The following KCND2 variants were observed in gnomAD, a reference collection of about 807,000 sequenced individuals.
KCND2 encodes the protein potassium voltage-gated channel subfamily D member 2.
In KCND2, 16 loss-of-function variants were observed where a neutral mutation model predicts 54.4. The observed-to-expected ratio is 0.29, with a 90% CI of 0.20 to 0.45. The LOEUF is 0.45. KCND2 is among the 20% of genes least tolerant of loss of function. KCND2 has a pLI of 1.00. For missense variants in KCND2, 486 were observed against 824.2 expected (o/e 0.59, Z 5.02); for synonymous variants, 317 against 310.7 (o/e 1.02, Z -0.21).
chr7:120,738,241 C>T (rs1006958313), intron 2 of KCND2, among the ~76,000 whole-genome samples: 5 of 151,924 alleles, frequency 3.3e-5, no homozygotes, highest in South Asian at 4.1e-4. Flanking sequence ...GTGAGGAACC[C>T]GGGAGCAAAG....
intron 1 of KCND2, among the ~76,000 whole-genome samples, chr7:120,315,764 CAGTGTGTGTG>C (rs1243616756): frequency 9.7e-6 from 1 of 103,582 alleles, no homozygotes; most frequent in African/African-American, 3.9e-5. Flanking sequence ...TTTCCATAAG[CAGTGTGTGTG>C]TGTGTGTGTG....
intron 1 of KCND2, among the ~76,000 whole-genome samples, chr7:120,532,841 C>G (rs190433572): frequency 6.6e-6 from 1 of 151,908 alleles, no homozygotes; most frequent in East Asian, 1.9e-4. Flanking sequence ...GAGGCAAATG[C>G]TCACAGGGAA....
At chr7:120,372,642 G>A (rs935303777) in intron 1 of KCND2, among the ~76,000 whole-genome samples, 15 of 151,842 alleles carry the variant, frequency 9.9e-5, no homozygotes, top group African/African-American at 3.6e-4. Flanking sequence ...TTAAATTGTA[G>A]GCCCTTTATG....
chr7:120,282,017 A>G (rs1799271398), intron 1 of KCND2, among the ~76,000 whole-genome samples: 1 of 152,138 alleles, frequency 6.6e-6, no homozygotes, highest in African/African-American at 2.4e-5. Flanking sequence ...TACTCTGCAA[A>G]GGCTAGAATT....
chr7:120,510,028 G>A (rs1318206960), intron 1 of KCND2, among the ~76,000 whole-genome samples: 1 of 151,984 alleles, frequency 6.6e-6, no homozygotes, highest in Non-Finnish European at 1.5e-5. Flanking sequence ...GTCATTTCTT[G>A]TGCTTCAGTA....
At chr7:120,566,214 G>C (rs1345402533) in intron 1 of KCND2, among the ~76,000 whole-genome samples, 2 of 152,206 alleles carry the variant, frequency 1.3e-5, no homozygotes, top group Non-Finnish European at 2.9e-5. Context: ...ATAGGGAAAT[G>C]ATTAATAGGG....
chr7:120,484,070 A>G lies in KCND2; in HGVS notation c.1115+208323A>G, dbSNP rs372479901. 1.7e-4 allele frequency among the ~76,000 whole-genome samples: 26 copies of G among 152,280 alleles called. No homozygotes were observed. The South Asian group carries it at 4.8e-3, about 28-fold the overall frequency. On this transcript the variant is annotated intron_variant, in intron 1 of 5. Transcript: ENST00000331113. ...AAGACAAAAGAGATTGATGAGGAGC[A>G]AGATCCTGGAAGACGCAAAGTGAGA...
intron 1 of KCND2, among the ~76,000 whole-genome samples, chr7:120,472,672 T>G (rs188159105): frequency 6.6e-6 from 1 of 152,232 alleles, no homozygotes; most frequent in Non-Finnish European, 1.5e-5. Context: ...TGGAGTCTTA[T>G]GAAACACTCA....
In KCND2 at chr7:120,514,898, T is replaced by C. The variant is rs1394253053; in HGVS notation, c.1116-218005T>C. On this transcript the variant is annotated intron_variant, in intron 1 of 5. Coordinates refer to ENST00000331113, the MANE Select transcript of KCND2 (RefSeq NM_012281.3). ...CCTGTCCTGGTCTGTGGCCCAAGGATTGGGGACCCCTGTTTTATAGCAACA... is the reference window on the plus strand; with the variant it reads ...CCTGTCCTGGTCTGTGGCCCAAGGACTGGGGACCCCTGTTTTATAGCAACA... Among the ~76,000 whole-genome samples the C allele has an allele frequency of 3.3e-5, 5 of 152,172 alleles. No homozygotes were observed. In the Middle Eastern group the frequency reaches 0.01, roughly 311 times the overall value.
chr7:120,416,714 A>T (rs1049938099), intron 1 of KCND2, among the ~76,000 whole-genome samples: 2 of 151,946 alleles, frequency 1.3e-5, no homozygotes, highest in African/African-American at 4.8e-5. Context: ...AATGTTTATC[A>T]AGTACTTATC....
chr7:120,590,581 G>T (rs891276884), intron 1 of KCND2, among the ~76,000 whole-genome samples: 1 of 152,118 alleles, frequency 6.6e-6, no homozygotes, highest in Non-Finnish European at 1.5e-5. Flanking sequence ...TAAATATATT[G>T]CAAATGTAAT....
At chr7:120,310,216 T>C (rs1320040665) in intron 1 of KCND2, among the ~76,000 whole-genome samples, 1 of 152,178 alleles carries the variant, frequency 6.6e-6, no homozygotes, top group Non-Finnish European at 1.5e-5. Context: ...TAAAAATATG[T>C]AAATAAAGGA....
intron 1 of KCND2, among the ~76,000 whole-genome samples, chr7:120,683,030 C>T (rs1237114125): frequency 6.6e-6 from 1 of 152,136 alleles, no homozygotes; most frequent in Non-Finnish European, 1.5e-5. Context: ...TTGGCTAAAA[C>T]ATCTTTACTT....
chr7:120,377,687 G>GTAA (rs1800854571), intron 1 of KCND2, among the ~76,000 whole-genome samples: 4 of 151,968 alleles, frequency 2.6e-5, no homozygotes, highest in Non-Finnish European at 5.9e-5. Flanking sequence ...AAGAATGGGA[G>GTAA]TCAGTGTATT....
At chr7:120,434,559 T>C (rs1801839825) in intron 1 of KCND2, among the ~76,000 whole-genome samples, 1 of 152,246 alleles carries the variant, frequency 6.6e-6, no homozygotes, top group South Asian at 2.1e-4. Context: ...TCATGTCTTC[T>C]TCCTCCCTCT....
At chr7:120,743,850 A>G (rs1418769354) in intron 4 of KCND2, among the ~76,000 whole-genome samples, 2 of 152,266 alleles carry the variant, frequency 1.3e-5, no homozygotes, top group African/African-American at 4.8e-5. Context: ...AGTTCATGGA[A>G]ATCATTTAAA....
At chr7:120,393,867 C>A (rs1475164946) in intron 1 of KCND2, among the ~76,000 whole-genome samples, 2 of 151,892 alleles carry the variant, frequency 1.3e-5, no homozygotes, top group Non-Finnish European at 2.9e-5. Flanking sequence ...CTCTAACCAC[C>A]ATAGGCTTAA....
At chr7:120,629,433 C>T (rs1277702404) in intron 1 of KCND2, among the ~76,000 whole-genome samples, 1 of 151,934 alleles carries the variant, frequency 6.6e-6, no homozygotes, top group Admixed American at 6.6e-5. Context: ...TTGCAGTGAG[C>T]CGAGATGGTG....
In KCND2 at chr7:120,749,478, G is replaced by A. The variant is rs981131319; in HGVS notation, c.*1620G>A. On this transcript the variant is annotated 3_prime_UTR_variant, in exon 6 of 6. Transcript: ENST00000331113. Reference sequence around the variant, plus strand: ...ATTCATTCCAAGCCACCACTGTAAGGAATAAAGCTTAGCTTCTGTACATGG... The same window carrying A: ...ATTCATTCCAAGCCACCACTGTAAGAAATAAAGCTTAGCTTCTGTACATGG... 1 of 152,276 alleles carries A rather than the reference G, an allele frequency of 6.6e-6. No individual in the cohort carries two copies. Among genetic ancestry groups the A allele is most frequent in the African/African-American group, 2.4e-5 (1 of 41,414 alleles). 9.4% of individuals were successfully genotyped at this position (152,276 alleles called of 1,614,324 possible).
Sources: allele counts gnomAD v4.1 joint callset (sites outside exome capture counted in the v4.1 genomes callset), GRCh38; gene constraint gnomAD v4.1.1; transcripts MANE v1.5; gene names NCBI Gene and HGNC (gene_info 2026-07-23, HGNC 2026-07-21).